The following PLEC variants were observed in gnomAD, a reference collection of about 807,000 sequenced individuals.
PLEC encodes the protein hemidesmosomal protein 1.
Under a neutral mutation model 392.8 loss-of-function variants are expected in PLEC, and 216 were observed. That is an observed-to-expected ratio of 0.55 (90% CI 0.49 to 0.62). The LOEUF (loss-of-function observed/expected upper bound fraction) is 0.62. PLEC is among the 20% of genes least tolerant of loss of function. PLEC has a pLI of 0.00. For missense variants in PLEC, 6,863 were observed against 6,563.4 expected (o/e 1.05, Z -1.58); for synonymous variants, 3,621 against 2,980.6 (o/e 1.21, Z -7.00).
Position 143,916,048 on chromosome 8 carries a change from G to A in PLEC, c.*129C>T, listed in dbSNP as rs1167121513. The A allele has an allele frequency of 2.1e-5, 13 of 613,916 alleles. No homozygotes were observed. In the African/African-American group the frequency reaches 2.5e-4, roughly 12 times the overall value. The allele number at this position is 613,916 out of a possible 1,614,324, so 38.0% of individuals were successfully genotyped here. On this transcript the variant is annotated 3_prime_UTR_variant, in exon 32 of 32. Coordinates refer to ENST00000345136, the MANE Select transcript of PLEC (RefSeq NM_201384.3). Reference sequence around the variant, plus strand: ...ACAGCAGATATATATTAATATATTAGTCTGGTCTTTTTGGTTAAACTTTAG... The same window carrying A: ...ACAGCAGATATATATTAATATATTAATCTGGTCTTTTTGGTTAAACTTTAG...
rs782055973 is a variant in PLEC, at chr8:143,929,701, G to T, written c.2868C>A (p.Arg956=). The change falls in exon 23 of 32, where the codon CGC becomes CGA. Residue 956 remains arginine, a synonymous_variant. Coordinates refer to ENST00000345136, the MANE Select transcript of PLEC (RefSeq NM_201384.3). ...FGPEDRLMAE[R]EYGSCSHHYQ... is the part of the protein sequence containing the mutation. Reference sequence around the variant, plus strand: ...AGTGGTGGCTGCAGGAGCCGTACTCGCGCTCAGCCATCAGCCGGTCCTCGG... The same window carrying T: ...AGTGGTGGCTGCAGGAGCCGTACTCTCGCTCAGCCATCAGCCGGTCCTCGG... 4 of 1,599,364 alleles carry T rather than the reference G, an allele frequency of 2.5e-6. No individual in the cohort carries two copies. In the African/African-American group the frequency reaches 4.0e-5, roughly 16 times the overall value.
At chr8:143,953,731 A>G (rs1554738168), upstream of PLEC, 2 of 1,611,732 alleles carry the variant, frequency 1.2e-6, no homozygotes, top group African/African-American at 1.3e-5. Flanking sequence ...CGCACCTTTG[A>G]GGGAGCTGAT....
At position 143,916,649 on chromosome 8, in the gene PLEC, T is replaced by C. The variant is rs1232006778; in HGVS notation, c.13172A>G (p.Gln4391Arg). Residue 4391 changes from glutamine to arginine, a missense_variant, in exon 32 of 32, where the codon CAG becomes CGG. Physicochemically the swap from Gln to Arg is conservative, Grantham distance 43 (BLOSUM62 1). Transcript: ENST00000345136. ...CTCGATCAAGCCGCCGGTCAGGTAC[T>C]GCACCTCCAGGAAGCGCTGGCCGGC... is the stretch of plus-strand genomic sequence containing the variant. ...YEAGQRFLEV[Q>R]YLTGGLIEPD... 2.5e-6 allele frequency: 4 copies of C among 1,611,008 alleles called. No homozygotes were observed. The highest frequency in any genetic ancestry group is 3.3e-5 in the Admixed American group (2 of 59,962).
Position 143,922,191 on chromosome 8 carries a change from CCTGCTCCATCTGCTGCTGCTGCCGCTG to C in PLEC, c.7603_7629del (p.Gln2535_Gln2543del). 1 of 1,549,130 alleles carries C rather than the reference CCTGCTCCATCTGCTGCTGCTGCCGCTG, an allele frequency of 6.5e-7. No homozygotes were observed. Among genetic ancestry groups the C allele is most frequent in the Non-Finnish European group, 8.7e-7 (1 of 1,151,384 alleles). On this transcript the variant is annotated inframe_deletion, in exon 32 of 32. Transcript: ENST00000345136. ...ATGCTGGCCACCAGCCGCTGCCGTT[CCTGCTCCATCTGCTGCTGCTGCCGCTG>C]CTGCTCCTCACGCAGCTGCTGTGCC... is the stretch of plus-strand genomic sequence containing the variant.
rs1822452177 is a variant in PLEC, at chr8:143,920,987, A to C, written c.8834T>G (p.Phe2945Cys). Residue 2945 changes from phenylalanine to cysteine, a missense_variant, in exon 32 of 32, where the codon TTC (phenylalanine) becomes TGC (cysteine). By Grantham distance (205) the Phe-to-Cys change is radical. Transcript: ENST00000345136. ...CTCCACTGTGATCCGGCCCGTGCGGAACTGCCGCAGCAGGTCCCGCCGCTG... is the reference window on the plus strand; with the variant it reads ...CTCCACTGTGATCCGGCCCGTGCGGCACTGCCGCAGCAGGTCCCGCCGCTG... ...AEQRRDLLRQFRTGRITVEKI... is the reference protein window; with the variant it reads ...AEQRRDLLRQCRTGRITVEKI... The C allele has an allele frequency of 6.2e-7, 1 of 1,613,054 alleles. No individual in the cohort carries two copies. Among genetic ancestry groups the C allele is most frequent in the Non-Finnish European group, 8.5e-7 (1 of 1,180,002 alleles).
At position 143,933,180 on chromosome 8, in the gene PLEC, G is replaced by A; in HGVS notation, c.1418+17C>T. 6.2e-7 allele frequency: 1 copy of A among 1,611,316 alleles called. No individual in the cohort carries two copies. The highest frequency in any genetic ancestry group is 8.5e-7 in the Non-Finnish European group (1 of 1,179,720). The stretch of plus-strand genomic sequence containing the variant: ...CCGTGTGTACCTGGGCTTCAGGGAG[G>A]GCAGGGCGGGGCCCACCTGCGGTAC... On this transcript the variant is annotated intron_variant, in intron 13 of 31. Coordinates refer to ENST00000345136, the MANE Select transcript of PLEC (RefSeq NM_201384.3).
In PLEC at chr8:143,939,492, T is replaced by G; in HGVS notation, c.-31A>C. ...CCCCACACCTTCGTCGCCCGGACCC[T>G]CGGCCTCAGGCACGGTGCTCTGGGC... On this transcript the variant is annotated 5_prime_UTR_variant, in exon 1 of 32. Coordinates refer to ENST00000345136, the MANE Select transcript of PLEC (RefSeq NM_201384.3). 1.3e-6 allele frequency: 2 copies of G among 1,594,408 alleles called. No individual in the cohort carries two copies. The highest frequency in any genetic ancestry group is 1.7e-6 in the Non-Finnish European group (2 of 1,171,568).
At chr8:143,942,553 AGT>A, upstream of PLEC, 1 of 1,531,464 alleles carries the variant, frequency 6.5e-7, no homozygotes, top group Middle Eastern at 2.3e-4. Context: ...GCCCACGGAC[AGT>A]GCGGGGAGCT....
chr8:143,928,027 G>A (rs1825870810), intron 25 of PLEC, 35 bp from the exon 26 acceptor site: 2 of 1,566,700 alleles, frequency 1.3e-6, no homozygotes, highest in African/African-American at 1.4e-5. Context: ...CCATGACATG[G>A]GGCTCGAGCA....
rs1554717563 is a variant in PLEC at position 143,932,619 on chromosome 8, C to T, written c.1815+16G>A. On this transcript the variant is annotated intron_variant, in intron 15 of 31. Transcript: ENST00000345136. ...CGGGCTACCCACCTCCCCCGGCTGG[C>T]CCTGCCCCCACTCACCAGCAGCTTG... 6.2e-7 allele frequency: 1 copy of T among 1,610,946 alleles called. No individual in the cohort carries two copies. Among genetic ancestry groups the T allele is most frequent in the Non-Finnish European group, 8.5e-7 (1 of 1,179,330 alleles).
Position 143,916,339 on chromosome 8 carries a change from G to A in PLEC, c.13482C>T (p.Arg4494=), listed in dbSNP as rs782635523. 1 of 1,599,152 alleles carries A rather than the reference G, an allele frequency of 6.3e-7. No homozygotes were observed. Among genetic ancestry groups the A allele is most frequent in the Non-Finnish European group, 8.5e-7 (1 of 1,174,878 alleles). The change falls in exon 32 of 32, where the codon CGC becomes CGT. Residue 4494 remains arginine, a synonymous_variant. Coordinates refer to ENST00000345136, the MANE Select transcript of PLEC (RefSeq NM_201384.3). ...GGCGGGAGCCGGCCCGGGAGCCGGT[G>A]CGCGAGCCGGTGCGGGAGCCAGCGG... ...GSTAGSRTGS[R]TGSRAGSRRG...
chr8:143,926,336 C>T (rs1430467723), intron 30 of PLEC, among the ~76,000 whole-genome samples: 1 of 152,182 alleles, frequency 6.6e-6, no homozygotes. Context: ...GACAGCAGTG[C>T]AGACCCGAGC....
At position 143,918,730 on chromosome 8, in the gene PLEC, C is replaced by T. The variant is rs368558825; in HGVS notation, c.11091G>A (p.Leu3697=). ...YGTGSVAGVY[L]PGSRQTLSIY... ...TGCTCAGTGTCTGCCTGGAACCGGG[C>T]AGGTAGACACCAGCCACGGAGCCCG... Residue 3697 remains leucine, a synonymous_variant, in exon 32 of 32, where the codon CTG becomes CTA. Transcript: ENST00000345136. 3.7e-5 allele frequency: 60 copies of T among 1,612,894 alleles called. No individual in the cohort carries two copies. Among genetic ancestry groups the T allele is most frequent in the Non-Finnish European group, 4.9e-5 (58 of 1,180,024 alleles).
Position 143,963,043 on chromosome 8 carries a change from G to T in PLEC, c.70+10360C>A, listed in dbSNP as rs566865791. 1.3e-3 allele frequency among the ~76,000 whole-genome samples: 203 copies of T among 152,290 alleles called. 1 individual carries two copies. Among genetic ancestry groups the T allele is most frequent in the Non-Finnish European group, 1.7e-3 (116 of 68,036 alleles). Reference sequence around the variant, plus strand: ...GGTCCATTCACTCATCTCAACAGAAGCCAGGAATAGAGACAAGATTATCCA... The same window carrying T: ...GGTCCATTCACTCATCTCAACAGAATCCAGGAATAGAGACAAGATTATCCA... On this transcript the variant is annotated intron_variant, in intron 1 of 31. Transcript: ENST00000356346.
intron 1 of PLEC, among the ~76,000 whole-genome samples, chr8:143,961,230 C>CTTTTTT (rs370018306): frequency 6.8e-6 from 1 of 147,096 alleles, no homozygotes; most frequent in Non-Finnish European, 1.5e-5. Context: ...CCAGAAATTC[C>CTTTTTT]TTTTTTTTTT....
upstream of PLEC, chr8:143,973,566 C>T: frequency 1.0e-6 from 1 of 1,001,178 alleles, no homozygotes; most frequent in Non-Finnish European, 1.2e-6. This position sits in a 1 kb window ranked among gnomAD's most constrained non-coding sequence, Gnocchi z 5.6. Context: ...AAGAGGCCGC[C>T]CCCGCCCCGC....
At position 143,936,897 on chromosome 8, in the gene PLEC, C is replaced by T. The variant is rs1048953672; in HGVS notation, c.435+82G>A. ...CCCAGGCCACGCCCTAGCCAGAAAGCGGATCAACCCGCCAGCCAAGGAGCC... is the reference window on the plus strand; with the variant it reads ...CCCAGGCCACGCCCTAGCCAGAAAGTGGATCAACCCGCCAGCCAAGGAGCC... On this transcript the variant is annotated intron_variant, in intron 5 of 31. Coordinates refer to ENST00000345136, the MANE Select transcript of PLEC (RefSeq NM_201384.3). 1.2e-5 allele frequency: 13 copies of T among 1,108,328 alleles called. No homozygotes were observed. In the Middle Eastern group the frequency reaches 6.3e-4, roughly 54 times the overall value. 68.7% of individuals were successfully genotyped at this position (1,108,328 alleles called of 1,614,324 possible).
At chr8:143,945,208 G>T in intron 1 of PLEC, 1 of 489,196 alleles carries the variant, frequency 2.0e-6, no homozygotes, top group East Asian at 6.8e-5. Context: ...CCAAAGTCAC[G>T]CGCAGGCCAG....
chr8:143,949,162 G>A (rs952636759), intron 1 of PLEC, among the ~76,000 whole-genome samples: 53 of 152,318 alleles, frequency 3.5e-4, no homozygotes, highest in African/African-American at 1.3e-3. Flanking sequence ...ACGGGCAGCT[G>A]CGCCCTAAAC....
Sources: allele counts gnomAD v4.1 joint callset (sites outside exome capture counted in the v4.1 genomes callset), GRCh38; gene constraint gnomAD v4.1.1; non-coding constraint Gnocchi (gnomAD v3.1); transcripts MANE v1.5; gene names NCBI Gene and HGNC (gene_info 2026-07-23, HGNC 2026-07-21).